AFG1L: variants seen among roughly 807,000 people sequenced by gnomAD.
AFG1L encodes AFG1-like ATPase.
A neutral mutation model predicts 62.2 loss-of-function variants in AFG1L; 53 were observed. The ratio of observed to expected loss-of-function variants is 0.85; its 90% CI spans 0.68 to 1.07. AFG1L has a LOEUF of 1.07. Ranked by LOEUF, AFG1L falls within the 50% of genes least tolerant of loss-of-function variation. AFG1L has a pLI of 0.00. For synonymous variants in AFG1L, 228 were observed against 210.3 expected, an observed-to-expected ratio of 1.08 and a Z score of -0.73; for missense variants, 555 against 590.5, an observed-to-expected ratio of 0.94 and a Z score of 0.62.
At chr6:108,478,861 A>C (rs949344303) in intron 10 of AFG1L, among the ~76,000 whole-genome samples, 1 of 152,206 alleles carries the variant, frequency 6.6e-6, no homozygotes, top group African/African-American at 2.4e-5. Context: ...AAGGCCACTT[A>C]TCAGGAACCA....
chr6:108,515,121 T>C (rs1245544197), intron 11 of AFG1L, among the ~76,000 whole-genome samples: 2 of 152,136 alleles, frequency 1.3e-5, no homozygotes, highest in East Asian at 3.8e-4. Flanking sequence ...TATCCAGGAA[T>C]TGAACTCAGC....
rs1176357627 is a variant in AFG1L, at chr6:108,522,757, A to C, written c.*332A>C. ...GCACAAGTAAATGCAAGACGTCTGG[A>C]TACCTTCAAGCTTTGGCTGCATGGT... On this transcript the variant is annotated 3_prime_UTR_variant, in exon 13 of 13. Transcript: ENST00000368977. 1 of 168,224 alleles carries C rather than the reference A, an allele frequency of 5.9e-6. No homozygotes were observed. Among genetic ancestry groups the C allele is most frequent in the African/African-American group, 2.4e-5 (1 of 41,850 alleles). 10.4% of individuals were successfully genotyped at this position (168,224 alleles called of 1,614,324 possible). A position where few individuals can be genotyped will look rare whatever the true frequency, so the allele number is the denominator to read the frequency against.
chr6:108,344,891 C>T, intron 2 of AFG1L: 1 of 435,918 alleles, frequency 2.3e-6, no homozygotes, highest in Non-Finnish European at 4.7e-6. Context: ...GCTTCATCTC[C>T]AGAGCCCTTC....
At chr6:108,408,607 G>T (rs1307978373) in intron 7 of AFG1L, among the ~76,000 whole-genome samples, 1 of 152,136 alleles carries the variant, frequency 6.6e-6, no homozygotes, top group Non-Finnish European at 1.5e-5. Context: ...AATATGGCCA[G>T]CTTGCTTGCC....
chr6:108,404,720 A>G (rs1351092600), intron 7 of AFG1L, among the ~76,000 whole-genome samples: 3 of 151,706 alleles, frequency 2.0e-5, no homozygotes, highest in Non-Finnish European at 2.9e-5. Flanking sequence ...TATAATAATT[A>G]TTTTATTTAT....
chr6:108,305,224 G>A (rs1303185150), intron 1 of AFG1L, among the ~76,000 whole-genome samples: 1 of 152,070 alleles, frequency 6.6e-6, no homozygotes, highest in Non-Finnish European at 1.5e-5. Context: ...AATGGCCAAG[G>A]GCCTAGTCTG....
intron 10 of AFG1L, among the ~76,000 whole-genome samples, chr6:108,481,217 TC>T (rs1277856464): frequency 6.6e-6 from 1 of 152,138 alleles, no homozygotes; most frequent in African/African-American, 2.4e-5. Flanking sequence ...TCCCTGCCGT[TC>T]CCTCCATATC....
chr6:108,386,355 G>A (rs926156873), intron 6 of AFG1L, among the ~76,000 whole-genome samples: 1 of 152,068 alleles, frequency 6.6e-6, no homozygotes, highest in Non-Finnish European at 1.5e-5. Context: ...CAGCTATTTG[G>A]GGGGCTGGGG....
chr6:108,395,398 C>CT (rs1562130534), intron 6 of AFG1L, among the ~76,000 whole-genome samples: 2 of 121,936 alleles, frequency 1.6e-5, no homozygotes, highest in African/African-American at 3.1e-5. Context: ...TTTTTCTTTT[C>CT]TTTTCTTTTT....
At chr6:108,484,192 C>A (rs1773437870) in intron 10 of AFG1L, among the ~76,000 whole-genome samples, 1 of 152,208 alleles carries the variant, frequency 6.6e-6, no homozygotes, top group African/African-American at 2.4e-5. Context: ...ATCTCCTTGG[C>A]CTTTTACCTT....
intron 7 of AFG1L, among the ~76,000 whole-genome samples, chr6:108,408,384 C>T (rs1383801625): frequency 6.6e-6 from 1 of 152,100 alleles, no homozygotes; most frequent in Non-Finnish European, 1.5e-5. Context: ...TGTTCTTTGC[C>T]CAACTCTGCA....
chr6:108,369,369 A>C (rs1191730595), intron 6 of AFG1L, among the ~76,000 whole-genome samples: 3 of 152,184 alleles, frequency 2.0e-5, no homozygotes, highest in African/African-American at 7.2e-5. Context: ...AATGACATGG[A>C]TAGTGAATGA....
intron 10 of AFG1L, among the ~76,000 whole-genome samples, chr6:108,508,947 G>A (rs1227690208): frequency 6.6e-6 from 1 of 152,164 alleles, no homozygotes; most frequent in Non-Finnish European, 1.5e-5. Flanking sequence ...GTGTCCTAGA[G>A]GTCGATCAGG....
chr6:108,440,114 G>A (rs1771476786), intron 7 of AFG1L, among the ~76,000 whole-genome samples: 2 of 152,224 alleles, frequency 1.3e-5, no homozygotes, highest in South Asian at 4.1e-4. Flanking sequence ...CTACTGTTAT[G>A]CTTTTAATAT....
In AFG1L at chr6:108,450,249, C is replaced by T. The variant is rs564416634; in HGVS notation, c.890+2953C>T. 1.2e-3 allele frequency among the ~76,000 whole-genome samples: 182 copies of T among 152,332 alleles called. 1 individual carries two copies. The Middle Eastern group carries it at 0.034, about 28-fold the overall frequency. ...TAAAAGCATTCCTATTTCTCCACAT[C>T]CTCTCCAGCACCTGTTGTTTCCTGA... On this transcript the variant is annotated intron_variant, in intron 8 of 12. Transcript: ENST00000368977.
chr6:108,327,454 T>C (rs1247466019), intron 2 of AFG1L, among the ~76,000 whole-genome samples: 1 of 152,200 alleles, frequency 6.6e-6, no homozygotes, highest in Non-Finnish European at 1.5e-5. Flanking sequence ...AAGGCCAAGA[T>C]CAAAGTGCTG....
chr6:108,395,927 C>T (rs1781278686), intron 6 of AFG1L, among the ~76,000 whole-genome samples: 1 of 152,060 alleles, frequency 6.6e-6, no homozygotes, highest in South Asian at 2.1e-4. Flanking sequence ...ACTGCAACCT[C>T]GACATACAGG....
chr6:108,388,947 T>A (rs1277707399), intron 6 of AFG1L, among the ~76,000 whole-genome samples: 1 of 152,174 alleles, frequency 6.6e-6, no homozygotes, highest in Non-Finnish European at 1.5e-5. Context: ...ACTTTCTGTC[T>A]TGTTGATCTG....
intron 7 of AFG1L, among the ~76,000 whole-genome samples, chr6:108,417,078 A>T (rs6921390): frequency 0.35 from 53,237 of 151,312 alleles, 9,792 homozygotes; most frequent in Non-Finnish European, 0.42. Flanking sequence ...ACAAAAAAAT[A>T]AAAAATTTAG....
Sources: allele counts gnomAD v4.1 joint callset (sites outside exome capture counted in the v4.1 genomes callset), GRCh38; gene constraint gnomAD v4.1.1; transcripts MANE v1.5; gene names NCBI Gene and HGNC (gene_info 2026-07-23, HGNC 2026-07-21).